SERP2: variants seen among roughly 807,000 people sequenced by gnomAD.
The protein encoded by SERP2 is stress-associated endoplasmic reticulum protein 2.
Under a neutral mutation model 9.1 loss-of-function variants are expected in SERP2, and 6 were observed. That is an observed-to-expected ratio of 0.66 (90% CI 0.36 to 1.30). The LOEUF (loss-of-function observed/expected upper bound fraction) is 1.30. Ranked by LOEUF, SERP2 falls within the 50% of genes most tolerant of loss-of-function variation. The pLI, the probability that SERP2 is intolerant of heterozygous loss-of-function variation, is 0.03. For missense variants in SERP2, 58 were observed against 81.9 expected, an observed-to-expected ratio of 0.71 and a Z score of 1.13; for synonymous variants, 37 against 27.3, an observed-to-expected ratio of 1.35 and a Z score of -1.10.
intron 2 of SERP2, among the ~76,000 whole-genome samples, chr13:44,381,529 G>C (rs948672313): frequency 6.6e-6 from 1 of 152,188 alleles, no homozygotes; most frequent in Admixed American, 6.5e-5. Flanking sequence ...GCAACTGAGC[G>C]AGACTGCGTC....
intron 2 of SERP2, among the ~76,000 whole-genome samples, chr13:44,385,400 G>A (rs1266392889): frequency 2.6e-5 from 4 of 152,208 alleles, no homozygotes; most frequent in Admixed American, 2.0e-4. Flanking sequence ...AGCCAGATGG[G>A]AGCAACAGAC....
intron 2 of SERP2, among the ~76,000 whole-genome samples, chr13:44,386,063 C>G (rs2138788486): frequency 6.6e-6 from 1 of 152,318 alleles, no homozygotes; most frequent in East Asian, 1.9e-4. Flanking sequence ...TGAGTGGGAG[C>G]AGTGTAAGTG....
At chr13:44,379,739 TC>T in intron 2 of SERP2, 26 bp downstream of exon 2, 1 of 1,512,122 alleles carries the variant, frequency 6.6e-7, no homozygotes, top group Non-Finnish European at 9.1e-7. Context: ...TGAACTTATA[TC>T]CCATGTTCTC....
chr13:44,374,348 A>G (rs1871511573), intron 1 of SERP2, among the ~76,000 whole-genome samples: 1 of 152,086 alleles, frequency 6.6e-6, no homozygotes, highest in African/African-American at 2.4e-5. Context: ...GGGAGTGGCT[A>G]CCTGGGCTAC....
At chr13:44,384,229 C>T (rs1002196841) in intron 2 of SERP2, among the ~76,000 whole-genome samples, 2 of 152,106 alleles carry the variant, frequency 1.3e-5, no homozygotes, top group African/African-American at 4.8e-5. Context: ...CCTTTAGATC[C>T]GTCCCTGTTG....
chr13:44,387,665 G>A (rs1327015540), intron 2 of SERP2, among the ~76,000 whole-genome samples: 3 of 152,180 alleles, frequency 2.0e-5, no homozygotes, highest in African/African-American at 7.2e-5. Context: ...TTGACAGGAT[G>A]CAGCAATCTG....
chr13:44,377,214 T>C lies in SERP2; in HGVS notation c.85-2427T>C, dbSNP rs138716412. The stretch of plus-strand genomic sequence containing the variant: ...GCTCTACATGCTGATCATCTGTTTT[T>C]TCTGCATATGAAAAATAAAGGACTC... On this transcript the variant is annotated intron_variant, in intron 1 of 2. Coordinates refer to ENST00000379179, the MANE Select transcript of SERP2 (RefSeq NM_001010897.3). Among the ~76,000 whole-genome samples the C allele has an allele frequency of 1.6e-4, 25 of 152,376 alleles. No homozygotes were observed. In the East Asian group the frequency reaches 4.4e-3, roughly 27 times the overall value.
chr13:44,375,852 C>A, intron 1 of SERP2, among the ~76,000 whole-genome samples: 1 of 151,876 alleles, frequency 6.6e-6, no homozygotes, highest in African/African-American at 2.4e-5. Context: ...GTTTGGGACC[C>A]AAAACAAAAA....
chr13:44,395,553 G>A (rs1037426089), intron 2 of SERP2, among the ~76,000 whole-genome samples: 1 of 140,456 alleles, frequency 7.1e-6, no homozygotes, highest in East Asian at 2.2e-4. Context: ...GCAGTGAGCC[G>A]AGATCGCACC....
chr13:44,374,252 T>G, intron 1 of SERP2, 143 bp downstream of exon 1: 1 of 536,830 alleles, frequency 1.9e-6, no homozygotes, highest in Non-Finnish European at 3.0e-6. Context: ...TCCTGCAGAG[T>G]GGGGGCTGAG....
intron 2 of SERP2, among the ~76,000 whole-genome samples, chr13:44,388,898 GCTGTT>G (rs1238739195): frequency 6.6e-6 from 1 of 152,176 alleles, no homozygotes; most frequent in Non-Finnish European, 1.5e-5. Context: ...CCCAGGACTG[GCTGTT>G]CTGTTAAGGA....
intron 2 of SERP2, among the ~76,000 whole-genome samples, chr13:44,383,034 T>TG (rs1203308813): frequency 6.6e-6 from 1 of 151,500 alleles, no homozygotes; most frequent in African/African-American, 2.4e-5. Flanking sequence ...AGACAAAGGG[T>TG]GTGAGGAAGG....
intron 1 of SERP2, among the ~76,000 whole-genome samples, chr13:44,376,823 AGTAGTAAC>A (rs1475398933): frequency 2.6e-4 from 39 of 152,316 alleles, no homozygotes; most frequent in Non-Finnish European, 5.6e-4. Flanking sequence ...GTGATTATAC[AGTAGTAAC>A]TTCTCCAGAA....
At chr13:44,396,299 T>C (rs1224116722) in intron 2 of SERP2, among the ~76,000 whole-genome samples, 2 of 152,242 alleles carry the variant, frequency 1.3e-5, no homozygotes, top group East Asian at 1.9e-4. Context: ...GGGTTCTGGA[T>C]AACTCTGTTT....
chr13:44,379,015 G>A (rs556522688), intron 1 of SERP2, among the ~76,000 whole-genome samples: 31 of 152,290 alleles, frequency 2.0e-4, no homozygotes, highest in African/African-American at 7.0e-4. Flanking sequence ...TTCTGTTGTT[G>A]CAAGGATTTC....
At chr13:44,379,762 GA>G in intron 2 of SERP2, 49 bp downstream of exon 2, 1 of 1,268,298 alleles carries the variant, frequency 7.9e-7, no homozygotes, top group South Asian at 1.3e-5. Context: ...ACTGGCCTTT[GA>G]AAAACACACG....
chr13:44,379,816 G>C (rs1871863845), intron 2 of SERP2, 103 bp downstream of exon 2: 1 of 757,922 alleles, frequency 1.3e-6, no homozygotes, highest in Admixed American at 2.5e-5. Context: ...ACTGGTATGG[G>C]ATTCAAGTTT....
chr13:44,382,038 A>G (rs1366600447), intron 2 of SERP2, among the ~76,000 whole-genome samples: 1 of 138,692 alleles, frequency 7.2e-6, no homozygotes, highest in African/African-American at 2.6e-5. Flanking sequence ...ATGGATGGAT[A>G]AAGCCAGATA....
rs1359914838 is a variant in SERP2 at position 44,383,557 on chromosome 13, T to G, written c.157+3844T>G. On this transcript the variant is annotated intron_variant, in intron 2 of 2. Coordinates refer to ENST00000379179, the MANE Select transcript of SERP2 (RefSeq NM_001010897.3). ...CTGGAGGTTTGCGTTTTTTTTGTTT[T>G]TTTTTTTTTGAGACAGAGTCTCGTT... 2.1e-5 allele frequency among the ~76,000 whole-genome samples: 3 copies of G among 145,386 alleles called. 1 individual carries two copies. The highest frequency in any genetic ancestry group is 4.5e-5 in the Non-Finnish European group (3 of 66,216).
Sources: gnomAD v4.1 joint callset for allele counts (sites outside exome capture counted in the v4.1 genomes callset) on GRCh38, gnomAD v4.1.1 for gene constraint, MANE v1.5 for transcripts, NCBI Gene and HGNC (gene_info 2026-07-23, HGNC 2026-07-21) for gene names.